The following ERGIC2 variants were observed in gnomAD, a reference collection of about 807,000 sequenced individuals.
ERGIC2 encodes ERGIC and golgi 2.
In ERGIC2, 31 loss-of-function variants were observed where a neutral mutation model predicts 52.5. That is an observed-to-expected ratio of 0.59 (90% CI 0.44 to 0.80). The LOEUF (loss-of-function observed/expected upper bound fraction) is 0.80, where lower values mean the gene tolerates loss of function less well. ERGIC2 is among the 30% of genes least tolerant of loss of function. ERGIC2 has a pLI of 0.00. For missense variants in ERGIC2, 395 were observed against 455.2 expected (o/e 0.87, Z 1.20); for synonymous variants, 129 against 140.6 (o/e 0.92, Z 0.58).
intron 1 of ERGIC2, among the ~76,000 whole-genome samples, chr12:29,378,207 T>A (rs1167213465): frequency 6.6e-6 from 1 of 152,142 alleles, no homozygotes; most frequent in East Asian, 1.9e-4. Flanking sequence ...GAAAATGCCA[T>A]GTGAAAACAA....
At chr12:29,371,804 G>C (rs575661789) in intron 1 of ERGIC2, 134 bp from the exon 2 acceptor site, 1 of 536,262 alleles carries the variant, frequency 1.9e-6, no homozygotes, top group East Asian at 3.1e-5. Context: ...AAAAAGCATA[G>C]TATTTATCCA....
At chr12:29,351,558 C>T (rs139186559) in intron 8 of ERGIC2, among the ~76,000 whole-genome samples, 71 of 152,308 alleles carry the variant, frequency 4.7e-4, no homozygotes, top group Non-Finnish European at 8.4e-4. Flanking sequence ...TTAGGAACTA[C>T]TCAAAATCTC....
intron 11 of ERGIC2, among the ~76,000 whole-genome samples, chr12:29,344,878 C>T (rs1286922977): frequency 6.6e-6 from 1 of 151,992 alleles, no homozygotes; most frequent in African/African-American, 2.4e-5. Flanking sequence ...TTAAACTGTC[C>T]AATTCCAAAA....
chr12:29,380,177 C>T (rs1210878424), intron 1 of ERGIC2, among the ~76,000 whole-genome samples: 6 of 152,044 alleles, frequency 3.9e-5, no homozygotes, highest in South Asian at 2.1e-4. Flanking sequence ...ATTACAACAA[C>T]TTAAAGATAT....
chr12:29,338,428 T>G lies in ERGIC2; in HGVS notation c.*2728A>C, dbSNP rs1165399287. 2 of 152,158 alleles carry G rather than the reference T, an allele frequency of 1.3e-5. No individual in the cohort carries two copies. Among genetic ancestry groups the G allele is most frequent in the African/African-American group, 4.8e-5 (2 of 41,412 alleles). The allele number at this position is 152,158 out of a possible 1,614,324, so 9.4% of individuals were successfully genotyped here. A position where few individuals can be genotyped will look rare whatever the true frequency, so the allele number is the denominator to read the frequency against. ...AGGAGACTAAGGTGGGAGGATTACTTGAGTCCGGGAGTTGGAGTCCAGCTT... is the reference window on the plus strand; with the variant it reads ...AGGAGACTAAGGTGGGAGGATTACTGGAGTCCGGGAGTTGGAGTCCAGCTT... On this transcript the variant is annotated 3_prime_UTR_variant, in exon 14 of 14. Transcript: ENST00000360150.
intron 1 of ERGIC2, among the ~76,000 whole-genome samples, chr12:29,378,478 A>G (rs1940544051): frequency 6.6e-6 from 1 of 152,196 alleles, no homozygotes. Flanking sequence ...CAGAAATAAA[A>G]GGTAAAACTA....
intron 11 of ERGIC2, among the ~76,000 whole-genome samples, chr12:29,343,547 T>A (rs1949854773): frequency 6.6e-6 from 1 of 152,182 alleles, no homozygotes; most frequent in Non-Finnish European, 1.5e-5. Flanking sequence ...GATACAAGTT[T>A]TCTACTGAGC....
chr12:29,344,119 C>T (rs1940008420), intron 11 of ERGIC2, among the ~76,000 whole-genome samples: 1 of 152,096 alleles, frequency 6.6e-6, no homozygotes, highest in South Asian at 2.1e-4. Flanking sequence ...AAATCCTTCT[C>T]ATTTGATTTT....
intron 10 of ERGIC2, 142 bp downstream of exon 10, chr12:29,348,937 C>G (rs1456273142): frequency 4.0e-6 from 2 of 502,992 alleles, no homozygotes; most frequent in Admixed American, 4.3e-5. Context: ...AGGACAAATT[C>G]TCTTCACATA....
At position 29,349,178 on chromosome 12, in the gene ERGIC2, C is replaced by A; in HGVS notation, c.629-1G>T. On this transcript the variant is annotated splice_acceptor_variant, in intron 9 of 13. Coordinates refer to ENST00000360150, the MANE Select transcript of ERGIC2 (RefSeq NM_016570.3). LOFTEE classifies it high-confidence loss of function. The stretch of plus-strand genomic sequence containing the variant: ...TCTATTCTATGAGAAAAATTGTAAG[C>A]TAAAAGGCAAAAAATAAAAACAACT... 6.7e-7 allele frequency: 1 copy of A among 1,482,486 alleles called. No individual in the cohort carries two copies. The highest frequency in any genetic ancestry group is 9.1e-7 in the Non-Finnish European group (1 of 1,094,866). The allele number at this position is 1,482,486 out of a possible 1,614,324, so 91.8% of individuals were successfully genotyped here.
chr12:29,368,846 G>A (rs1384396046), intron 3 of ERGIC2, among the ~76,000 whole-genome samples: 1 of 151,856 alleles, frequency 6.6e-6, no homozygotes, highest in Non-Finnish European at 1.5e-5. Context: ...TGGCATACTG[G>A]AAACTAGGTC....
rs76395600 is a variant in ERGIC2, at chr12:29,380,369, A to T, written c.-38+746T>A. On this transcript the variant is annotated intron_variant, in intron 1 of 13. Transcript: ENST00000360150. ...GTAACTTTCATTGCTTCTGAAAACC[A>T]GTCTGGCAACATTTTAACAGCTATT... Among the ~76,000 whole-genome samples the T allele has an allele frequency of 1.8e-3, 279 of 152,264 alleles. 4 individuals are homozygous for T. The East Asian group carries it at 0.043, about 23-fold the overall frequency.
intron 11 of ERGIC2, 145 bp downstream of exon 11, chr12:29,345,298 A>G (rs1189780623): frequency 8.3e-6 from 5 of 601,906 alleles, no homozygotes; most frequent in Non-Finnish European, 1.5e-5. Context: ...TTTAAAATAA[A>G]ATGTTAATTC....
Position 29,356,393 on chromosome 12 carries a change from T to TA in ERGIC2, c.560dup (p.Thr188AsnfsTer22). The TA allele has an allele frequency of 6.4e-7, 1 of 1,569,650 alleles. No individual in the cohort carries two copies. The highest frequency in any genetic ancestry group is 8.8e-7 in the Non-Finnish European group (1 of 1,139,564). On this transcript the variant is annotated frameshift_variant, in exon 8 of 14. Coordinates refer to ENST00000360150, the MANE Select transcript of ERGIC2 (RefSeq NM_016570.3). LOFTEE classifies it high-confidence loss of function. Reference sequence around the variant, plus strand: ...TGAAAAGAACATACTTGCCCACTGTTATGTGAAAATTCCCTGCTACTTTAT... The same window carrying TA: ...TGAAAAGAACATACTTGCCCACTGTTAATGTGAAAATTCCCTGCTACTTTAT...
intron 1 of ERGIC2, among the ~76,000 whole-genome samples, chr12:29,379,785 T>C (rs2136887377): frequency 6.6e-6 from 1 of 152,212 alleles, no homozygotes; most frequent in South Asian, 2.1e-4. Context: ...TTACAATAAA[T>C]ATTGGGAAAC....
chr12:29,379,870 C>G (rs1940562599), intron 1 of ERGIC2, among the ~76,000 whole-genome samples: 1 of 152,088 alleles, frequency 6.6e-6, no homozygotes, highest in African/African-American at 2.4e-5. Context: ...ATAGCCATTT[C>G]TTTCACTTAA....
chr12:29,357,733 G>A lies in ERGIC2; in HGVS notation c.375-9C>T, dbSNP rs752586458. On this transcript the variant is annotated splice_polypyrimidine_tract_variant and intron_variant, in intron 6 of 13. Coordinates refer to ENST00000360150, the MANE Select transcript of ERGIC2 (RefSeq NM_016570.3). The stretch of plus-strand genomic sequence containing the variant: ...GAATCAGCTGCAGCATCCTAAATAA[G>A]AAGCAATAATTTAGAACTACAGAAA... 29 of 1,513,412 alleles carry A rather than the reference G, an allele frequency of 1.9e-5. No individual in the cohort carries two copies. The highest frequency in any genetic ancestry group is 2.5e-5 in the Non-Finnish European group (27 of 1,089,776). The allele number at this position is 1,513,412 out of a possible 1,614,324, so 93.7% of individuals were successfully genotyped here.
At chr12:29,359,740 T>C (rs1367035988) in intron 6 of ERGIC2, among the ~76,000 whole-genome samples, 3 of 151,892 alleles carry the variant, frequency 2.0e-5, no homozygotes, top group Non-Finnish European at 4.4e-5. Flanking sequence ...AGAAAGACTC[T>C]TGGAATATAC....
At chr12:29,342,637 C>T (rs1949847599) in intron 12 of ERGIC2, among the ~76,000 whole-genome samples, 1 of 152,110 alleles carries the variant, frequency 6.6e-6, no homozygotes, top group African/African-American at 2.4e-5. Flanking sequence ...TTACTGATTA[C>T]AAATCTAGTT....
Sources: gnomAD v4.1 joint callset for allele counts (sites outside exome capture counted in the v4.1 genomes callset) on GRCh38, gnomAD v4.1.1 for gene constraint, MANE v1.5 for transcripts, NCBI Gene and HGNC (gene_info 2026-07-23, HGNC 2026-07-21) for gene names.